RDH13: variants seen among roughly 807,000 people sequenced by gnomAD.
RDH13 encodes the protein retinol dehydrogenase 13, also known as retinol dehydrogenase 13 (all-trans and 9-cis).
In RDH13, 35 loss-of-function variants were observed where a neutral mutation model predicts 28.3. The observed-to-expected ratio is 1.24, with a 90% CI of 0.95 to 1.64. The LOEUF (loss-of-function observed/expected upper bound fraction) is 1.64, where lower values mean the gene tolerates loss of function less well. Among genes scored for constraint, RDH13 ranks in the 40% most tolerant of loss-of-function variants. The pLI, the probability that RDH13 is intolerant of heterozygous loss-of-function variation, is 0.00. For missense variants in RDH13, 514 were observed against 446.3 expected, an observed-to-expected ratio of 1.15 and a Z score of -1.37; for synonymous variants, 229 against 198.5, an observed-to-expected ratio of 1.15 and a Z score of -1.29.
At position 55,048,507 on chromosome 19, in the gene RDH13, C is replaced by T. The variant is rs1334318693; in HGVS notation, c.480G>A (p.Lys160=). ...HFLLTNLLLD[K]LKASAPSRII... is the part of the protein sequence containing the mutation. ...TCCGCGAAGGGGCTGAGGCTTTCAG[C>T]TTGTCCAGCAGCAAGTTTGTCAAGA... The change falls in exon 5 of 7, where the codon AAG becomes AAA. Residue 160 remains lysine, a synonymous_variant. Transcript: ENST00000415061. 1.9e-6 allele frequency: 3 copies of T among 1,614,086 alleles called. No homozygotes were observed. Among genetic ancestry groups the T allele is most frequent in the Non-Finnish European group, 2.5e-6 (3 of 1,180,048 alleles).
chr19:55,054,320 G>A (rs1602754320), intron 3 of RDH13, among the ~76,000 whole-genome samples: 1 of 152,348 alleles, frequency 6.6e-6, no homozygotes, highest in East Asian at 1.9e-4. Flanking sequence ...AAGCAGCTGG[G>A]CATGGTGGCT....
chr19:55,054,868 T>G (rs10424361), intron 3 of RDH13, among the ~76,000 whole-genome samples: 1 of 151,898 alleles, frequency 6.6e-6, no homozygotes, highest in African/African-American at 2.4e-5. Flanking sequence ...AGGTAAGTAT[T>G]TGAGGTAATG....
chr19:55,060,977 A>T (rs1411853690), intron 1 of RDH13, among the ~76,000 whole-genome samples: 1 of 152,152 alleles, frequency 6.6e-6, no homozygotes, highest in East Asian at 1.9e-4. Flanking sequence ...ACTGGAATAA[A>T]TCAAGGTATT....
intron 3 of RDH13, among the ~76,000 whole-genome samples, chr19:55,053,326 G>A (rs2075519054): frequency 1.3e-5 from 2 of 150,854 alleles, no homozygotes; most frequent in South Asian, 4.2e-4. Flanking sequence ...GCTGGTACTT[G>A]ATTTGCTAAA....
intron 6 of RDH13, among the ~76,000 whole-genome samples, chr19:55,046,096 C>T (rs894980878): frequency 3.3e-5 from 5 of 149,464 alleles, no homozygotes; most frequent in African/African-American, 7.4e-5. Context: ...AAAATAAAAA[C>T]TTAGCTGGGT....
chr19:55,046,113 GTGGGCGCCTGCAATCTCAGCTACTT>G (rs2075221854), intron 6 of RDH13, among the ~76,000 whole-genome samples: 1 of 151,336 alleles, frequency 6.6e-6, no homozygotes, highest in South Asian at 2.1e-4. Context: ...GGGTGTGGTG[GTGGGCGCCTGCAATCTCAGCTACTT>G]TGGGAGGCTG....
At chr19:55,056,147 C>T (rs918500040) in intron 3 of RDH13, among the ~76,000 whole-genome samples, 4 of 151,794 alleles carry the variant, frequency 2.6e-5, no homozygotes, top group African/African-American at 7.3e-5. Flanking sequence ...GAGCGAGACC[C>T]CATCTGTCTC....
rs1412828920 is a variant in RDH13 at position 55,056,714 on chromosome 19, G to C, written c.279C>G (p.Ala93=). ...TGAGGGAAGCCAAGTCCAGGTGCCG[G>C]GCGTTGACATGGTGATTGAGGGTCT... ...RGETLNHHVN[A]RHLDLASLKS... The change falls in exon 3 of 7, where the codon GCC becomes GCG. Residue 93 remains alanine, a synonymous_variant. Transcript: ENST00000415061. 1 of 1,613,922 alleles carries C rather than the reference G, an allele frequency of 6.2e-7. No individual in the cohort carries two copies. The highest frequency in any genetic ancestry group is 8.5e-7 in the Non-Finnish European group (1 of 1,179,932).
At position 55,054,900 on chromosome 19, in the gene RDH13, T is replaced by G. The variant is rs140588623; in HGVS notation, c.340+1753A>C. Among the ~76,000 whole-genome samples, 635 of 152,274 alleles carry G rather than the reference T, an allele frequency of 4.2e-3. 10 individuals are homozygous for G. The highest frequency in any genetic ancestry group is 0.015 in the African/African-American group (611 of 41,554). On this transcript the variant is annotated intron_variant, in intron 3 of 6. Coordinates refer to ENST00000415061, the MANE Select transcript of RDH13 (RefSeq NM_001145971.2). ...AATGCATATGTTAATTAGCTTGATTTAGCCATTCTACAATGTATACAATGT... is the reference window on the plus strand; with the variant it reads ...AATGCATATGTTAATTAGCTTGATTGAGCCATTCTACAATGTATACAATGT...
downstream of RDH13, among the ~76,000 whole-genome samples, chr19:55,043,836 C>T (rs1602688052): frequency 1.3e-5 from 2 of 152,278 alleles, no homozygotes; most frequent in East Asian, 1.9e-4. Flanking sequence ...GTTTCTAACA[C>T]AGCAGTCTTG....
intron 2 of RDH13, among the ~76,000 whole-genome samples, chr19:55,057,451 T>C (rs910944523): frequency 1.3e-5 from 2 of 150,598 alleles, no homozygotes; most frequent in African/African-American, 4.9e-5. Flanking sequence ...TTTTTTTTTT[T>C]AGATGGAGTC....
At chr19:55,047,595 G>A in intron 5 of RDH13, 107 bp from the exon 6 acceptor site, 2 of 1,468,714 alleles carry the variant, frequency 1.4e-6, no homozygotes, top group Non-Finnish European at 1.8e-6. Context: ...GCTGCTTCCT[G>A]CACTCAAACC....
At chr19:55,049,785 A>G (rs536112074) in intron 3 of RDH13, among the ~76,000 whole-genome samples, 42 of 98,734 alleles carry the variant, frequency 4.3e-4, no homozygotes, top group Admixed American at 3.6e-3. Flanking sequence ...GCAAAACTCC[A>G]TCTCAAAAAA....
intron 1 of RDH13, among the ~76,000 whole-genome samples, chr19:55,060,547 G>A (rs904902788): frequency 7.9e-5 from 12 of 152,174 alleles, no homozygotes; most frequent in African/African-American, 2.2e-4. Flanking sequence ...GGCCGGTGCC[G>A]GTGCAGGTCC....
At chr19:55,061,678 G>A (rs2075810956) in intron 1 of RDH13, among the ~76,000 whole-genome samples, 1 of 151,924 alleles carries the variant, frequency 6.6e-6, no homozygotes, top group Admixed American at 6.6e-5. Flanking sequence ...TGTAGAGTCA[G>A]CTACTCGGGA....
rs765238035 is a variant in RDH13, at chr19:55,048,731, C to T, written c.373G>A (p.Ala125Thr). The change falls in exon 4 of 7, where the codon GCG (alanine) becomes ACG (threonine). Residue 125 changes from alanine to threonine, a missense_variant. Coordinates refer to ENST00000415061, the MANE Select transcript of RDH13 (RefSeq NM_001145971.2). ...CAGTGGGGGCACCGCATCACACCCG[C>T]GTTGTTGATTAGAATGTCCACTCGC... ...EERVDILINN[A>T]GVMRCPHWTT... is the part of the protein sequence containing the mutation. 2.3e-5 allele frequency: 37 copies of T among 1,613,770 alleles called. 1 individual carries two copies. The highest frequency in any genetic ancestry group is 2.1e-5 in the Non-Finnish European group (25 of 1,180,004).
At position 55,048,347 on chromosome 19, in the gene RDH13, G is replaced by C; in HGVS notation, c.640C>G (p.Leu214Val). 3.1e-6 allele frequency: 5 copies of C among 1,613,930 alleles called. No individual in the cohort carries two copies. The highest frequency in any genetic ancestry group is 3.4e-6 in the Non-Finnish European group (4 of 1,179,988). ...CCCGTACCTTGCAGCCGCCGGCTCAGCTCCTTGGTGAAGAGGACGATGGCG... is the reference window on the plus strand; with the variant it reads ...CCCGTACCTTGCAGCCGCCGGCTCACCTCCTTGGTGAAGAGGACGATGGCG... ...KLAIVLFTKELSRRLQGSGVT... is the reference protein window; with the variant it reads ...KLAIVLFTKEVSRRLQGSGVT... The change falls in exon 5 of 7, where the codon CTG becomes GTG. Residue 214 changes from leucine to valine, a missense_variant. By Grantham distance (32) the Leu-to-Val change is conservative. Transcript: ENST00000415061.
At chr19:55,063,364 A>T (rs1340567340), upstream of RDH13, 4 of 324,872 alleles carry the variant, frequency 1.2e-5, no homozygotes, top group Non-Finnish European at 2.2e-5. Context: ...ATAAGGCGCT[A>T]CGCAGTTCTG....
intron 1 of RDH13, among the ~76,000 whole-genome samples, chr19:55,059,525 G>T (rs904482625): frequency 6.6e-6 from 1 of 151,212 alleles, no homozygotes. Context: ...TGAGATTCCC[G>T]GCCAGGTGAG....
Sources: allele counts gnomAD v4.1 joint callset (sites outside exome capture counted in the v4.1 genomes callset), GRCh38; gene constraint gnomAD v4.1.1; transcripts MANE v1.5; gene names NCBI Gene and HGNC (gene_info 2026-07-23, HGNC 2026-07-21).